Variants in NOD2 observed in about 807,000 individuals in gnomAD.
NOD2 encodes the protein nucleotide-binding oligomerization domain-containing protein 2.
A neutral mutation model predicts 90.9 loss-of-function variants in NOD2; 86 were observed. The ratio of observed to expected loss-of-function variants is 0.95; its 90% confidence interval spans 0.79 to 1.13. The LOEUF (loss-of-function observed/expected upper bound fraction) is 1.13, where lower values mean the gene tolerates loss of function less well. Among genes scored for constraint, NOD2 ranks in the 50% most tolerant of loss-of-function variants. The pLI is 0.00. For missense variants in NOD2, 1,238 were observed against 1,283.8 expected, an observed-to-expected ratio of 0.96 and a Z score of 0.55; for synonymous variants, 581 against 554.6, an observed-to-expected ratio of 1.05 and a Z score of -0.67.
At chr16:50,713,303 A>G (rs1964625323) in intron 4 of NOD2, 1 of 152,202 alleles carries the variant, frequency 6.6e-6, no homozygotes, top group Admixed American at 6.5e-5. Flanking sequence ...ATTGACCCTA[A>G]GCATGGGACA....
intron 3 of NOD2, among the ~76,000 whole-genome samples, chr16:50,708,845 C>T (rs555899445): frequency 1.6e-4 from 24 of 152,184 alleles, no homozygotes; most frequent in Non-Finnish European, 2.9e-4. Flanking sequence ...GCGAGTGCAC[C>T]GTCTCATTGA....
chr16:50,727,266 C>T (rs1965300398), intron 10 of NOD2, among the ~76,000 whole-genome samples: 1 of 152,096 alleles, frequency 6.6e-6, no homozygotes, highest in Non-Finnish European at 1.5e-5. Context: ...ATGAGTGCCT[C>T]AGTTGCCTCA....
At chr16:50,730,501 A>T (rs1441658726) in intron 11 of NOD2, among the ~76,000 whole-genome samples, 1 of 152,164 alleles carries the variant, frequency 6.6e-6, no homozygotes, top group African/African-American at 2.4e-5. Context: ...GTTTCCAGGG[A>T]TCTATTTCTC....
Position 50,714,950 on chromosome 16 carries a change from C to T in NOD2, c.2382-1637C>T, listed in dbSNP as rs148567369. 2.1e-4 allele frequency among the ~76,000 whole-genome samples: 32 copies of T among 152,262 alleles called. No individual in the cohort carries two copies. The East Asian group carries it at 2.7e-3, about 13-fold the overall frequency. ...GAACCTAAGTTTCACAAAATGACTT[C>T]GCTTTATGAACTCTGAGACACTCTG... is the stretch of plus-strand genomic sequence containing the variant. On this transcript the variant is annotated intron_variant, in intron 4 of 11. Coordinates refer to ENST00000647318, the MANE Select transcript of NOD2 (RefSeq NM_001370466.1).
At position 50,716,976 on chromosome 16, in the gene NOD2, T is replaced by A. The variant is rs1235440308; in HGVS notation, c.2549+2T>A. 1 of 1,614,116 alleles carries A rather than the reference T, an allele frequency of 6.2e-7. No homozygotes were observed. Among genetic ancestry groups the A allele is most frequent in the Non-Finnish European group, 8.5e-7 (1 of 1,179,932 alleles). Reference sequence around the variant, plus strand: ...CAGGCAGAACTTCTTGGCATTGAGGTGAGCCCAGGTTTTCCTTATTCCCTG... The same window carrying A: ...CAGGCAGAACTTCTTGGCATTGAGGAGAGCCCAGGTTTTCCTTATTCCCTG... On this transcript the variant is annotated splice_donor_variant, in intron 6 of 11. Coordinates refer to ENST00000647318, the MANE Select transcript of NOD2 (RefSeq NM_001370466.1). LOFTEE classifies it high-confidence loss of function.
intron 1 of NOD2, chr16:50,698,098 T>G (rs988095167): frequency 1.3e-5 from 2 of 152,520 alleles, no homozygotes; most frequent in Non-Finnish European, 2.9e-5. Flanking sequence ...TGTCCCTGAT[T>G]TATAAAAAGA....
At chr16:50,719,463 G>T (rs2150828279) in intron 6 of NOD2, among the ~76,000 whole-genome samples, 1 of 152,136 alleles carries the variant, frequency 6.6e-6, no homozygotes, top group Non-Finnish European at 1.5e-5. Context: ...GGAAGGCTCA[G>T]TGGGCCCCAC....
At position 50,699,629 on chromosome 16, in the gene NOD2, A is replaced by G. The variant is rs138881230; in HGVS notation, c.134A>G (p.Glu45Gly). Residue 45 changes from glutamate (E) to glycine (G), a missense_variant, in exon 2 of 12, where the codon GAG becomes GGG. Around this residue, in one of 3 missense-constraint regions of NOD2, gnomAD observed 567 missense variants for 577.3 expected, o/e 0.98. Coordinates refer to ENST00000647318, the MANE Select transcript of NOD2 (RefSeq NM_001370466.1). ...SWEVLSWEDY[E>G]GFHLLGQPLS... ...GAGGTCCTCTCCTGGGAGGACTACG[A>G]GGGCTTCCACCTCCTGGGCCAGCCT... is the stretch of plus-strand genomic sequence containing the variant. The G allele has an allele frequency of 3.4e-5, 55 of 1,613,890 alleles. No individual in the cohort carries two copies. The highest frequency in any genetic ancestry group is 4.6e-5 in the Non-Finnish European group (54 of 1,180,014).
Position 50,699,534 on chromosome 16 carries a change from G to A in NOD2, c.39G>A (p.Gln13=), listed in dbSNP as rs1000932898. ...AGGCTTTTCAGGCACAGAGGAGCCAGCTGGTCGAGCTGCTGGTCTCAGGGT... is the reference window on the plus strand; with the variant it reads ...AGGCTTTTCAGGCACAGAGGAGCCAACTGGTCGAGCTGCTGGTCTCAGGGT... ...SQEAFQAQRS[Q]LVELLVSGSL... The change falls in exon 2 of 12, where the codon CAG becomes CAA. Residue 13 remains glutamine, a synonymous_variant. Transcript: ENST00000647318. 4 of 1,613,830 alleles carry A rather than the reference G, an allele frequency of 2.5e-6. No individual in the cohort carries two copies. The highest frequency in any genetic ancestry group is 2.5e-6 in the Non-Finnish European group (3 of 1,180,012).
intron 7 of NOD2, 41 bp downstream of exon 7, chr16:50,720,049 T>G (rs1351662260): frequency 3.2e-6 from 5 of 1,575,126 alleles, no homozygotes. Flanking sequence ...ATGGAGGGGC[T>G]TGGGACTTTT....
At chr16:50,700,276 C>A (rs1464541167) in intron 2 of NOD2, among the ~76,000 whole-genome samples, 3 of 152,072 alleles carry the variant, frequency 2.0e-5, no homozygotes, top group African/African-American at 7.3e-5. Flanking sequence ...TGCTGTACCA[C>A]CATGAACAGC....
At chr16:50,723,235 A>G (rs1965145758) in intron 8 of NOD2, 66 bp from the exon 9 acceptor site, 4 of 1,461,516 alleles carry the variant, frequency 2.7e-6, no homozygotes, top group Non-Finnish European at 3.8e-6. Context: ...TTTGCCCTCC[A>G]TAGGTTAGCT....
At chr16:50,713,373 T>C (rs915196823) in intron 4 of NOD2, 1 of 152,146 alleles carries the variant, frequency 6.6e-6, no homozygotes, top group Admixed American at 6.5e-5. Context: ...AGCAACAAGA[T>C]TTATTTTTCA....
chr16:50,697,763 G>T (rs1375208939), intron 1 of NOD2: 1 of 285,114 alleles, frequency 3.5e-6, no homozygotes, highest in South Asian at 3.3e-5. Flanking sequence ...CATTGCCTCA[G>T]TTTCCCCATC....
chr16:50,730,044 A>G, intron 11 of NOD2, 143 bp downstream of exon 11: 4 of 663,714 alleles, frequency 6.0e-6, no homozygotes, highest in East Asian at 3.0e-5. Context: ...CTGCATGTGA[A>G]GGATCTGATT....
chr16:50,699,532 C>T lies in NOD2; in HGVS notation c.37C>T (p.Gln13Ter). The stretch of plus-strand genomic sequence containing the variant: ...GGAGGCTTTTCAGGCACAGAGGAGC[C>T]AGCTGGTCGAGCTGCTGGTCTCAGG... Reference protein sequence around the residue: ...SQEAFQAQRSQLVELLVSGSL... With the variant: ...SQEAFQAQRS Residue 13 changes from glutamine to a stop codon, truncating the protein, a stop_gained, in exon 2 of 12, where the codon CAG (glutamine) becomes TAG (stop). Transcript: ENST00000647318. LOFTEE classifies it high-confidence loss of function. The T allele has an allele frequency of 6.2e-7, 1 of 1,613,908 alleles. No individual in the cohort carries two copies.
intron 2 of NOD2, among the ~76,000 whole-genome samples, chr16:50,707,467 A>G (rs1964250200): frequency 6.6e-6 from 1 of 152,206 alleles, no homozygotes; most frequent in African/African-American, 2.4e-5. Flanking sequence ...TTCAGGCTGG[A>G]GATGAAGATG....
chr16:50,718,657 T>A (rs1014705529), intron 6 of NOD2, among the ~76,000 whole-genome samples: 3 of 152,184 alleles, frequency 2.0e-5, no homozygotes, highest in African/African-American at 7.2e-5. Flanking sequence ...GTCAGCCCAA[T>A]GTCTGTGTGC....
At position 50,710,811 on chromosome 16, in the gene NOD2, G is replaced by A; in HGVS notation, c.819G>A (p.Glu273=). 6.2e-7 allele frequency: 1 copy of A among 1,614,118 alleles called. No homozygotes were observed. The highest frequency in any genetic ancestry group is 8.5e-7 in the Non-Finnish European group (1 of 1,180,016). ...CGGACACTGTGCTGGTGGTGGGTGAGGCGGGCAGTGGCAAGAGCACGCTCC... is the reference window on the plus strand; with the variant it reads ...CGGACACTGTGCTGGTGGTGGGTGAAGCGGGCAGTGGCAAGAGCACGCTCC... The part of the protein sequence containing the change: ...DDADTVLVVG[E]AGSGKSTLLQ... Residue 273 remains glutamate (E), a synonymous_variant, in exon 4 of 12, where the codon GAG becomes GAA. Transcript: ENST00000647318.
Sources: gnomAD v4.1 joint callset for allele counts (sites outside exome capture counted in the v4.1 genomes callset) on GRCh38, gnomAD v4.1.1 for gene constraint, gnomAD v4.1.1 regional missense constraint, MANE v1.5 for transcripts, NCBI Gene and HGNC (gene_info 2026-07-23, HGNC 2026-07-21) for gene names.